Variants in ARHGEF3 observed in about 807,000 individuals in gnomAD.
The protein encoded by ARHGEF3 is 59.8 kDA protein.
In ARHGEF3, 28 loss-of-function variants were observed where a neutral mutation model predicts 63.2. That is an observed-to-expected ratio of 0.44 (90% CI 0.33 to 0.61). The LOEUF is 0.61. Among genes scored for constraint, ARHGEF3 ranks in the 20% least tolerant of loss-of-function variants. The pLI is 0.03. For synonymous variants in ARHGEF3, 266 were observed against 254.2 expected (o/e 1.05, Z -0.44); for missense variants, 533 against 659.3 (o/e 0.81, Z 2.10).
chr3:56,931,575 CAAAAAAAAAAAA>C (rs10596928), intron 3 of ARHGEF3, among the ~76,000 whole-genome samples: 2 of 58,912 alleles, frequency 3.4e-5, no homozygotes, highest in African/African-American at 7.3e-5. Flanking sequence ...GATCCTGTCT[CAAAAAAAAAAAA>C]AAAAAAAAAA....
upstream of ARHGEF3, chr3:56,802,095 G>T: frequency 2.0e-6 from 2 of 1,018,884 alleles, no homozygotes; most frequent in Non-Finnish European, 1.3e-6. Flanking sequence ...CGAGGGGCGT[G>T]GGGCGGTCCC....
chr3:56,854,738 G>A (rs1382379332), intron 4 of ARHGEF3, among the ~76,000 whole-genome samples: 1 of 133,256 alleles, frequency 7.5e-6, no homozygotes, highest in East Asian at 2.6e-4. Flanking sequence ...CAACAGATAG[G>A]TACTATTTGG....
At chr3:56,765,180 A>G (rs2107807356) in intron 2 of ARHGEF3, among the ~76,000 whole-genome samples, 1 of 152,288 alleles carries the variant, frequency 6.6e-6, no homozygotes, top group African/African-American at 2.4e-5. Context: ...ATAACTTGTC[A>G]GCTATACTCT....
chr3:56,867,982 G>A (rs184499163), intron 4 of ARHGEF3, among the ~76,000 whole-genome samples: 1 of 152,216 alleles, frequency 6.6e-6, no homozygotes, highest in East Asian at 1.9e-4. Flanking sequence ...GCTTGGATAT[G>A]AATCAAACTT....
intron 4 of ARHGEF3, 44 bp downstream of exon 4, chr3:56,753,460 A>G: frequency 6.3e-7 from 1 of 1,584,228 alleles, no homozygotes; most frequent in Non-Finnish European, 8.7e-7. Flanking sequence ...TACTCAAGAA[A>G]AAAAATGTGA....
At chr3:57,050,748 T>C (rs1377269452) in intron 1 of ARHGEF3, among the ~76,000 whole-genome samples, 1 of 152,206 alleles carries the variant, frequency 6.6e-6, no homozygotes, top group African/African-American at 2.4e-5. Flanking sequence ...TGGAGACTCT[T>C]GAAAGCCAGG....
chr3:56,990,908 G>T (rs1213988946), intron 2 of ARHGEF3, among the ~76,000 whole-genome samples: 1 of 152,164 alleles, frequency 6.6e-6, no homozygotes, highest in Non-Finnish European at 1.5e-5. Context: ...GGTGAGGGGT[G>T]AGCGTGAGAT....
At chr3:57,022,567 CT>C (rs1383891165) in intron 2 of ARHGEF3, among the ~76,000 whole-genome samples, 1 of 152,188 alleles carries the variant, frequency 6.6e-6, no homozygotes, top group Non-Finnish European at 1.5e-5. Flanking sequence ...CACATTTCCT[CT>C]TCTCTACTTG....
chr3:56,928,565 GC>G (rs2108386078), intron 3 of ARHGEF3, among the ~76,000 whole-genome samples: 1 of 152,280 alleles, frequency 6.6e-6, no homozygotes, highest in African/African-American at 2.4e-5. Context: ...TACAATTACT[GC>G]AGACAACAAT....
chr3:56,797,756 C>T (rs1431916492), intron 1 of ARHGEF3, among the ~76,000 whole-genome samples: 1 of 152,086 alleles, frequency 6.6e-6, no homozygotes. Context: ...TAGAAGTGGG[C>T]CTTAAAGGAT....
Position 56,749,524 on chromosome 3 carries a change from A to T in ARHGEF3, c.612+1532T>A, listed in dbSNP as rs1214411262. Among the ~76,000 whole-genome samples, 6 of 152,136 alleles carry T rather than the reference A, an allele frequency of 3.9e-5. No homozygotes were observed. In the East Asian group the frequency reaches 1.2e-3, roughly 29 times the overall value. ...ACTGCTCCATTTACCCCCATATCAAAGCAGTCCACAGACTCAGGAAGTTTA... is the reference window on the plus strand; with the variant it reads ...ACTGCTCCATTTACCCCCATATCAATGCAGTCCACAGACTCAGGAAGTTTA... On this transcript the variant is annotated intron_variant, in intron 6 of 9. Transcript: ENST00000296315.
intron 4 of ARHGEF3, among the ~76,000 whole-genome samples, chr3:56,857,716 T>C (rs1369101775): frequency 6.6e-6 from 1 of 152,192 alleles, no homozygotes. Context: ...CATTTCCTTT[T>C]CCTTTTCTCT....
chr3:56,975,171 A>G (rs1701075164), intron 2 of ARHGEF3, among the ~76,000 whole-genome samples: 1 of 152,104 alleles, frequency 6.6e-6, no homozygotes, highest in African/African-American at 2.4e-5. Flanking sequence ...TAATCCCATC[A>G]CTCTGGGAGG....
chr3:57,008,484 T>C (rs1482747825), intron 2 of ARHGEF3, among the ~76,000 whole-genome samples: 3 of 149,050 alleles, frequency 2.0e-5, no homozygotes, highest in African/African-American at 7.3e-5. Flanking sequence ...GGACAAGCCT[T>C]TTTTTTTTTT....
At chr3:56,781,645 T>C (rs1489993726) in intron 1 of ARHGEF3, among the ~76,000 whole-genome samples, 1 of 152,246 alleles carries the variant, frequency 6.6e-6, no homozygotes, top group Non-Finnish European at 1.5e-5. Flanking sequence ...ATAGCAGTCA[T>C]AAGAAACTAA....
chr3:56,737,886 G>T (rs909260673), intron 7 of ARHGEF3, among the ~76,000 whole-genome samples: 51 of 149,536 alleles, frequency 3.4e-4, no homozygotes, highest in African/African-American at 1.2e-3. Context: ...TTTTTTTTTT[G>T]ATATGGAGTT....
chr3:57,073,890 G>A, intron 1 of ARHGEF3: 3 of 1,614,178 alleles, frequency 1.9e-6, no homozygotes, highest in Non-Finnish European at 2.5e-6. Flanking sequence ...AGCAGCCTCT[G>A]CCCTCCCAGA....
chr3:56,886,417 C>T (rs1267370470), intron 3 of ARHGEF3, among the ~76,000 whole-genome samples: 10 of 152,238 alleles, frequency 6.6e-5, no homozygotes, highest in African/African-American at 1.9e-4. Flanking sequence ...TGAAGAAGGG[C>T]GTACAGATGG....
At chr3:56,750,785 G>T (rs2034693014) in intron 6 of ARHGEF3, among the ~76,000 whole-genome samples, 1 of 150,460 alleles carries the variant, frequency 6.6e-6, no homozygotes, top group Non-Finnish European at 1.5e-5. Flanking sequence ...TACGAAACTA[G>T]TAATAGTTTC....
Sources: gnomAD v4.1 joint callset for allele counts (sites outside exome capture counted in the v4.1 genomes callset) on GRCh38, gnomAD v4.1.1 for gene constraint, MANE v1.5 for transcripts, NCBI Gene and HGNC (gene_info 2026-07-23, HGNC 2026-07-21) for gene names.